Variants in TTC27 observed in about 807,000 individuals in gnomAD.
TTC27 encodes tetratricopeptide repeat domain 27.
A neutral mutation model predicts 115.9 loss-of-function variants in TTC27; 79 were observed. That is an observed-to-expected ratio of 0.68 (90% CI 0.57 to 0.82). The LOEUF (loss-of-function observed/expected upper bound fraction) is 0.82, where lower values mean the gene tolerates loss of function less well. Ranked by LOEUF, TTC27 falls within the 40% of genes least tolerant of loss-of-function variation. TTC27 has a pLI of 0.00. For missense variants in TTC27, 1,054 were observed against 993.1 expected, an observed-to-expected ratio of 1.06 and a Z score of -0.82; for synonymous variants, 401 against 356.0, an observed-to-expected ratio of 1.13 and a Z score of -1.42.
intron 8 of TTC27, among the ~76,000 whole-genome samples, chr2:32,678,489 G>A (rs972422286): frequency 5.3e-5 from 8 of 151,478 alleles, no homozygotes; most frequent in Non-Finnish European, 1.2e-4. Context: ...GTGCAGTGTC[G>A]CGATCTCGGC....
rs553737181 is a variant in TTC27, at chr2:32,727,995, C to T, written c.1234-5833C>T. On this transcript the variant is annotated intron_variant, in intron 10 of 19. Coordinates refer to ENST00000317907, the MANE Select transcript of TTC27 (RefSeq NM_017735.5). The stretch of plus-strand genomic sequence containing the variant: ...CCCAAAGTGTGACTGATTAAGGGGA[C>T]GGCTGCATGATAGCCATCTGGGCCT... Among the ~76,000 whole-genome samples, 93 of 150,042 alleles carry T rather than the reference C, an allele frequency of 6.2e-4. 1 individual carries two copies. Among genetic ancestry groups the T allele is most frequent in the African/African-American group, 2.0e-3 (81 of 40,826 alleles).
intron 16 of TTC27, among the ~76,000 whole-genome samples, chr2:32,787,793 A>G (rs1670399113): frequency 6.6e-6 from 1 of 151,332 alleles, no homozygotes; most frequent in Non-Finnish European, 1.5e-5. Flanking sequence ...TGGGTGACAG[A>G]GCAAAACTCT....
At chr2:32,776,082 C>G (rs1250761443) in intron 13 of TTC27, among the ~76,000 whole-genome samples, 2 of 152,102 alleles carry the variant, frequency 1.3e-5, no homozygotes, top group Non-Finnish European at 2.9e-5. Context: ...AACCTAGTAC[C>G]TCTGCTTCTG....
At chr2:32,644,748 A>C (rs1336433411) in intron 4 of TTC27, among the ~76,000 whole-genome samples, 1 of 151,344 alleles carries the variant, frequency 6.6e-6, no homozygotes, top group Non-Finnish European at 1.5e-5. Context: ...ATTCAACTGA[A>C]GCATTATTCT....
chr2:32,779,045 A>G (rs928673580), intron 14 of TTC27, among the ~76,000 whole-genome samples: 1 of 152,180 alleles, frequency 6.6e-6, no homozygotes, highest in Non-Finnish European at 1.5e-5. Flanking sequence ...CCAACATGGT[A>G]AAACCCCATG....
chr2:32,637,230 T>C (rs890377228), intron 3 of TTC27, among the ~76,000 whole-genome samples: 1 of 152,228 alleles, frequency 6.6e-6, no homozygotes, highest in Non-Finnish European at 1.5e-5. Context: ...TTGTTCTTTA[T>C]ATTTAGGGAT....
intron 16 of TTC27, among the ~76,000 whole-genome samples, chr2:32,801,542 C>T (rs1004672960): frequency 3.3e-5 from 5 of 152,138 alleles, no homozygotes; most frequent in Admixed American, 2.0e-4. Flanking sequence ...TTGCAAAGAC[C>T]CTATTTCAGG....
chr2:32,814,183 A>G (rs3769562), intron 18 of TTC27, among the ~76,000 whole-genome samples: 31,263 of 152,186 alleles, frequency 0.21, 3,307 homozygotes, highest in Admixed American at 0.26. Flanking sequence ...TGAACTCACC[A>G]AGTAATGGTA....
chr2:32,661,450 A>G (rs528722626), intron 5 of TTC27, among the ~76,000 whole-genome samples: 14 of 152,290 alleles, frequency 9.2e-5, no homozygotes, highest in African/African-American at 3.4e-4. Context: ...TTCCTTGAGC[A>G]GTGGTTTGTA....
chr2:32,644,504 A>C (rs929587769), intron 4 of TTC27, among the ~76,000 whole-genome samples: 1 of 152,142 alleles, frequency 6.6e-6, no homozygotes, highest in Admixed American at 6.6e-5. Context: ...GGCAGCTGTA[A>C]ACAACTTTTG....
chr2:32,736,067 A>AT (rs993514654), intron 11 of TTC27, among the ~76,000 whole-genome samples: 2 of 152,040 alleles, frequency 1.3e-5, no homozygotes, highest in African/African-American at 4.8e-5. Context: ...AAATCTTTAA[A>AT]TTTTTTTTCC....
intron 7 of TTC27, among the ~76,000 whole-genome samples, chr2:32,671,177 C>G (rs912804026): frequency 6.6e-6 from 1 of 151,958 alleles, no homozygotes; most frequent in Admixed American, 6.6e-5. Context: ...CTCAGGGTTA[C>G]AAAGTTTTTT....
At chr2:32,711,839 C>T (rs1667591515) in intron 10 of TTC27, among the ~76,000 whole-genome samples, 1 of 151,994 alleles carries the variant, frequency 6.6e-6, no homozygotes, top group Non-Finnish European at 1.5e-5. Flanking sequence ...ACTCAGGAAG[C>T]TGAGGCAGGA....
chr2:32,635,766 G>C (rs1296313961), intron 3 of TTC27, among the ~76,000 whole-genome samples: 1 of 149,628 alleles, frequency 6.7e-6, no homozygotes, highest in South Asian at 2.1e-4. Context: ...ATAATTTGAT[G>C]GGGGGGTAGA....
intron 10 of TTC27, among the ~76,000 whole-genome samples, chr2:32,706,910 A>G (rs1301251253): frequency 6.6e-6 from 1 of 152,198 alleles, no homozygotes; most frequent in African/African-American, 2.4e-5. Flanking sequence ...ATCCAGGCAC[A>G]TGACTTCCTG....
intron 13 of TTC27, among the ~76,000 whole-genome samples, chr2:32,764,279 A>G (rs1669546146): frequency 6.6e-6 from 1 of 152,166 alleles, no homozygotes; most frequent in Middle Eastern, 3.2e-3. Context: ...GTTCCAGGCC[A>G]CCGCAGTAAA....
intron 5 of TTC27, among the ~76,000 whole-genome samples, chr2:32,657,542 C>T (rs962560938): frequency 2.0e-5 from 3 of 151,730 alleles, no homozygotes; most frequent in East Asian, 1.9e-4. Flanking sequence ...TTAGTAGAGA[C>T]GGAGTTTCAC....
intron 12 of TTC27, among the ~76,000 whole-genome samples, chr2:32,753,195 G>C (rs1489886850): frequency 6.6e-6 from 1 of 152,034 alleles, no homozygotes; most frequent in Admixed American, 6.6e-5. Flanking sequence ...TGACTACAGG[G>C]AGTAGGACTA....
At chr2:32,672,062 T>C (rs1481994556) in intron 7 of TTC27, among the ~76,000 whole-genome samples, 1 of 152,232 alleles carries the variant, frequency 6.6e-6, no homozygotes, top group Non-Finnish European at 1.5e-5. Context: ...TTATTGTCAT[T>C]GTTAGTGCAT....
Sources: gnomAD v4.1 joint callset for allele counts (sites outside exome capture counted in the v4.1 genomes callset) on GRCh38, gnomAD v4.1.1 for gene constraint, MANE v1.5 for transcripts, NCBI Gene and HGNC (gene_info 2026-07-23, HGNC 2026-07-21) for gene names.